TMEM182: variants seen among roughly 807,000 people sequenced by gnomAD.
TMEM182 encodes the protein transmembrane protein 182.
A neutral mutation model predicts 26.8 loss-of-function variants in TMEM182; 20 were observed. The ratio of observed to expected loss-of-function variants is 0.75; its 90% CI spans 0.53 to 1.09. TMEM182 has a LOEUF of 1.09. Ranked by LOEUF, TMEM182 falls within the 50% of genes least tolerant of loss-of-function variation. The pLI is 0.00. For synonymous variants in TMEM182, 109 were observed against 102.2 expected, an observed-to-expected ratio of 1.07 and a Z score of -0.40; for missense variants, 277 against 275.5, an observed-to-expected ratio of 1.01 and a Z score of -0.04.
At chr2:102,794,426 G>A (rs1390856211) in intron 3 of TMEM182, among the ~76,000 whole-genome samples, 4 of 152,054 alleles carry the variant, frequency 2.6e-5, no homozygotes, top group East Asian at 1.9e-4. Context: ...GAAGTTTAAC[G>A]TGCACTCCGG....
intron 1 of TMEM182, among the ~76,000 whole-genome samples, chr2:102,739,791 G>C (rs928729284): frequency 6.6e-6 from 1 of 152,120 alleles, no homozygotes; most frequent in East Asian, 1.9e-4. Flanking sequence ...TTTCCTTATA[G>C]CAATGCAAGA....
Position 102,817,308 on chromosome 2 carries a change from G to C in TMEM182, c.*2340G>C. On this transcript the variant is annotated 3_prime_UTR_variant, in exon 5 of 5. Transcript: ENST00000412401. ...CTGTGTTAGAATCTTTTTGAAAAAT[G>C]TTGATTTTGCATCATAAAGTTTCAA... The C allele has an allele frequency of 1.0e-6, 1 of 985,334 alleles. No homozygotes were observed. The highest frequency in any genetic ancestry group is 1.2e-6 in the Non-Finnish European group (1 of 829,874). The allele number at this position is 985,334 out of a possible 1,614,324, so 61.0% of individuals were successfully genotyped here.
At chr2:102,834,106 A>T (rs1683197567) in intron 3 of TMEM182, among the ~76,000 whole-genome samples, 1 of 152,188 alleles carries the variant, frequency 6.6e-6, no homozygotes, top group Non-Finnish European at 1.5e-5. Context: ...CAGTGTTTCC[A>T]GTCATTGGGT....
chr2:102,792,544 C>A (rs1470589535), intron 3 of TMEM182, among the ~76,000 whole-genome samples: 4 of 152,126 alleles, frequency 2.6e-5, no homozygotes, highest in African/African-American at 9.7e-5. Flanking sequence ...TTCTACAAGA[C>A]AATTCTTTAT....
intron 3 of TMEM182, among the ~76,000 whole-genome samples, chr2:102,771,003 TG>T (rs1208703834): frequency 1.3e-5 from 2 of 152,196 alleles, no homozygotes; most frequent in African/African-American, 4.8e-5. Context: ...CCCCCACCTC[TG>T]GCTTGCAGAT....
chr2:102,766,471 G>A (rs1403722394), intron 3 of TMEM182, among the ~76,000 whole-genome samples: 1 of 152,172 alleles, frequency 6.6e-6, no homozygotes, highest in Non-Finnish European at 1.5e-5. Flanking sequence ...AAATGATTGA[G>A]ATGTGCAAAG....
At chr2:102,763,907 A>G (rs928542407) in intron 2 of TMEM182, among the ~76,000 whole-genome samples, 2 of 152,240 alleles carry the variant, frequency 1.3e-5, no homozygotes, top group Admixed American at 6.5e-5. Context: ...AAATGGATAT[A>G]GAAGAATTTT....
At chr2:102,827,693 A>G (rs976749747) in intron 3 of TMEM182, among the ~76,000 whole-genome samples, 1 of 152,230 alleles carries the variant, frequency 6.6e-6, no homozygotes, top group African/African-American at 2.4e-5. Flanking sequence ...GTGTTAGGAA[A>G]GCAGTTGTTA....
intron 3 of TMEM182, among the ~76,000 whole-genome samples, chr2:102,776,896 C>T (rs188910403): frequency 6.6e-6 from 1 of 152,150 alleles, no homozygotes; most frequent in Non-Finnish European, 1.5e-5. Flanking sequence ...TCTCTAATGA[C>T]ATATGATGTT....
At chr2:102,757,052 C>T (rs557488218), upstream of TMEM182, among the ~76,000 whole-genome samples, 19 of 152,112 alleles carry the variant, frequency 1.2e-4, no homozygotes, top group Admixed American at 3.9e-4. Context: ...CCTCGTGATC[C>T]ACCTGCCTCG....
In TMEM182 at chr2:102,772,599, A is replaced by G. The variant is rs1187503789; in HGVS notation, c.331+8172A>G. 4.6e-5 allele frequency among the ~76,000 whole-genome samples: 7 copies of G among 152,072 alleles called. No individual in the cohort carries two copies. The East Asian group carries it at 1.3e-3, about 29-fold the overall frequency. On this transcript the variant is annotated intron_variant, in intron 3 of 4. Transcript: ENST00000412401. Reference sequence around the variant, plus strand: ...GAGTGTTTAGCACAGGGACTGGCTCATGGTAAGGGTTCTATGGGGGTACAA... The same window carrying G: ...GAGTGTTTAGCACAGGGACTGGCTCGTGGTAAGGGTTCTATGGGGGTACAA...
chr2:102,813,648 A>G (rs1330546642), intron 4 of TMEM182, among the ~76,000 whole-genome samples: 1 of 152,194 alleles, frequency 6.6e-6, no homozygotes, highest in Admixed American at 6.5e-5. Flanking sequence ...TGCTCAGCGT[A>G]GTGGCATTGT....
intron 3 of TMEM182, among the ~76,000 whole-genome samples, chr2:102,772,429 T>C (rs1194874562): frequency 6.6e-6 from 1 of 152,072 alleles, no homozygotes; most frequent in Non-Finnish European, 1.5e-5. Context: ...ACTTCCACAC[T>C]GAGTAGGGTG....
upstream of TMEM182, chr2:102,758,294 C>T (rs1045260638): frequency 2.4e-4 from 136 of 569,132 alleles, no homozygotes; most frequent in Admixed American, 7.0e-4. Context: ...AAGAACACCA[C>T]AGCTGCTTAA....
chr2:102,817,049 C>A lies in TMEM182; in HGVS notation c.*2081C>A, dbSNP rs777635135. ...GAACTATTTTATAGTTGTAATGCAT[C>A]AATCAAATACATTTCAAGCACATTT... On this transcript the variant is annotated 3_prime_UTR_variant, in exon 5 of 5. Transcript: ENST00000412401. The A allele has an allele frequency of 2.0e-6, 2 of 985,544 alleles. No individual in the cohort carries two copies. Among genetic ancestry groups the A allele is most frequent in the South Asian group, 9.4e-5 (2 of 21,284 alleles). 61.0% of individuals were successfully genotyped at this position (985,544 alleles called of 1,614,324 possible). A position where few individuals can be genotyped will look rare whatever the true frequency, so the allele number is the denominator to read the frequency against.
At chr2:102,748,642 A>C (rs1679785284) in intron 1 of TMEM182, among the ~76,000 whole-genome samples, 1 of 152,204 alleles carries the variant, frequency 6.6e-6, no homozygotes, top group Non-Finnish European at 1.5e-5. Flanking sequence ...AGTTTTCCTG[A>C]TGTAAGATAT....
Position 102,816,791 on chromosome 2 carries a change from A to G in TMEM182, c.*1823A>G, listed in dbSNP as rs1573569667. 1.0e-6 allele frequency: 1 copy of G among 985,778 alleles called. No homozygotes were observed. Among genetic ancestry groups the G allele is most frequent in the Non-Finnish European group, 1.2e-6 (1 of 829,900 alleles). The allele number at this position is 985,778 out of a possible 1,614,324, so 61.1% of individuals were successfully genotyped here. On this transcript the variant is annotated 3_prime_UTR_variant, in exon 5 of 5. Transcript: ENST00000412401. The stretch of plus-strand genomic sequence containing the variant: ...TGGATGTATCTGATTAGTTCATGTC[A>G]TCTGTAAATACAATTCTTTTTTGTA...
At chr2:102,819,163 A>AT (rs1682856078), downstream of TMEM182, among the ~76,000 whole-genome samples, 2 of 152,088 alleles carry the variant, frequency 1.3e-5, no homozygotes, top group African/African-American at 4.8e-5. Flanking sequence ...TTTTCTTAGC[A>AT]TTTTTCCCCA....
At chr2:102,751,815 T>C (rs1179866554) in intron 1 of TMEM182, among the ~76,000 whole-genome samples, 1 of 152,058 alleles carries the variant, frequency 6.6e-6, no homozygotes, top group Non-Finnish European at 1.5e-5. Context: ...TAGAGGTGCA[T>C]GCCACCATGC....
Sources: allele counts gnomAD v4.1 joint callset (sites outside exome capture counted in the v4.1 genomes callset), GRCh38; gene constraint gnomAD v4.1.1; transcripts MANE v1.5; gene names NCBI Gene and HGNC (gene_info 2026-07-23, HGNC 2026-07-21).